The following STK33 variants were observed in gnomAD, a reference collection of about 807,000 sequenced individuals.
STK33 encodes serine/threonine kinase 33.
STK33 carries 52 observed loss-of-function variants against 58.0 expected under a neutral mutation model. That is an observed-to-expected ratio of 0.90 (90% CI 0.72 to 1.13). STK33 has a LOEUF of 1.13. Ranked by LOEUF, STK33 falls within the 50% of genes most tolerant of loss-of-function variation. STK33 has a pLI of 0.00. For missense variants in STK33, 630 were observed against 604.2 expected (o/e 1.04, Z -0.45); for synonymous variants, 215 against 200.1 (o/e 1.07, Z -0.63).
chr11:8,366,410 C>T, the STK33 span, among the ~76,000 whole-genome samples: 2 of 152,120 alleles, frequency 1.3e-5, no homozygotes, highest in South Asian at 2.1e-4. Flanking sequence ...CCACAGGAGA[C>T]GGTTAGAGCC....
intron 12 of STK33, among the ~76,000 whole-genome samples, chr11:8,439,048 G>A (rs1944406906): frequency 6.6e-6 from 1 of 152,122 alleles, no homozygotes; most frequent in Admixed American, 6.6e-5. Context: ...AAATGATCTG[G>A]AAGAGGCAGT....
At chr11:8,452,333 A>T (rs1259215082) in intron 11 of STK33, among the ~76,000 whole-genome samples, 2 of 152,170 alleles carry the variant, frequency 1.3e-5, no homozygotes, top group African/African-American at 4.8e-5. Context: ...AAATAACAAA[A>T]TTTTTTTAAA....
intron 9 of STK33, among the ~76,000 whole-genome samples, chr11:8,456,832 T>C (rs1353907689): frequency 2.6e-5 from 4 of 152,186 alleles, no homozygotes; most frequent in Non-Finnish European, 4.4e-5. Flanking sequence ...ATATAAGCTA[T>C]GGACTTAGGG....
intron 1 of STK33, among the ~76,000 whole-genome samples, chr11:8,511,222 T>C (rs751544094): frequency 2.6e-5 from 4 of 152,164 alleles, no homozygotes; most frequent in Non-Finnish European, 4.4e-5. Flanking sequence ...GTTAAGCATA[T>C]TCCTAATTAT....
At chr11:8,424,468 T>C (rs1311905745) in intron 14 of STK33, among the ~76,000 whole-genome samples, 1 of 151,688 alleles carries the variant, frequency 6.6e-6, no homozygotes, top group Non-Finnish European at 1.5e-5. Context: ...TGTGTCTTTA[T>C]AGCAGCATGA....
intron 14 of STK33, among the ~76,000 whole-genome samples, chr11:8,429,608 C>G (rs1483528752): frequency 6.6e-6 from 1 of 152,118 alleles, no homozygotes; most frequent in East Asian, 1.9e-4. Context: ...TACTTCAGTT[C>G]TCCGGTTTCT....
At chr11:8,501,389 T>C (rs1228866049) in intron 1 of STK33, among the ~76,000 whole-genome samples, 2 of 152,074 alleles carry the variant, frequency 1.3e-5, no homozygotes, top group Non-Finnish European at 2.9e-5. Flanking sequence ...TTTGAATAAA[T>C]TTTCCCAAAG....
chr11:8,569,706 C>T lies in STK33; in HGVS notation c.-466+24377G>A, dbSNP rs143341833. 8.5e-4 allele frequency among the ~76,000 whole-genome samples: 130 copies of T among 152,238 alleles called. 3 individuals are homozygous for T. In the East Asian group the frequency reaches 0.02, roughly 24 times the overall value. ...GAATGGTGGCTCACACTGGTAACCC[C>T]AGCACTTTGGGAGGCCAAGGCAGGC... is the stretch of plus-strand genomic sequence containing the variant. On this transcript the variant is annotated intron_variant, in intron 1 of 15. Coordinates refer to ENST00000687296, the MANE Select transcript of STK33 (RefSeq NM_001352389.2).
chr11:8,428,101 C>A (rs1942987307), intron 14 of STK33, among the ~76,000 whole-genome samples: 1 of 152,316 alleles, frequency 6.6e-6, no homozygotes, highest in African/African-American at 2.4e-5. Flanking sequence ...CCACCTCCTC[C>A]CGCCAGGAGA....
At chr11:8,571,832 CA>C (rs376750068) in intron 1 of STK33, among the ~76,000 whole-genome samples, 119 of 67,200 alleles carry the variant, frequency 1.8e-3, no homozygotes, top group Middle Eastern at 0.01. Flanking sequence ...GACCCAGTCT[CA>C]AAAAAAAAAA....
At chr11:8,537,409 G>T (rs560721021) in intron 1 of STK33, among the ~76,000 whole-genome samples, 1 of 152,032 alleles carries the variant, frequency 6.6e-6, no homozygotes, top group East Asian at 1.9e-4. Context: ...TTTAAATTTT[G>T]TTTCAAGTGT....
At chr11:8,440,478 T>C (rs976032970) in intron 12 of STK33, among the ~76,000 whole-genome samples, 200 bp downstream of exon 12, 4 of 152,212 alleles carry the variant, frequency 2.6e-5, no homozygotes, top group South Asian at 2.1e-4. Flanking sequence ...AAGCTGAAAG[T>C]TATAAATTTA....
At chr11:8,553,186 ATATATATATATGGTG>A (rs1172119493) in intron 1 of STK33, among the ~76,000 whole-genome samples, 1,500 of 75,872 alleles carry the variant, frequency 0.02, 26 homozygotes, top group African/African-American at 0.051. Context: ...ATATATATAT[ATATATATATATGGTG>A]TATATATATA....
intron 11 of STK33, 87 bp from the exon 12 acceptor site, chr11:8,440,840 T>G: frequency 7.5e-7 from 1 of 1,338,908 alleles, no homozygotes; most frequent in South Asian, 1.4e-5. Context: ...AATGTGCTGA[T>G]GTGCTGTAAT....
chr11:8,351,396 C>T, the STK33 span, among the ~76,000 whole-genome samples: 1 of 152,232 alleles, frequency 6.6e-6, no homozygotes, highest in African/African-American at 2.4e-5. Flanking sequence ...AGGGCTGTGG[C>T]TTCATCAGGA....
At chr11:8,355,330 G>A in the STK33 span, among the ~76,000 whole-genome samples, 1 of 152,234 alleles carries the variant, frequency 6.6e-6, no homozygotes, top group Non-Finnish European at 1.5e-5. Context: ...TGTTGTGCAT[G>A]GAAATGTGGC....
chr11:8,431,478 C>A (rs55740932), intron 14 of STK33, among the ~76,000 whole-genome samples: 18,346 of 152,104 alleles, frequency 0.12, 1,889 homozygotes, highest in African/African-American at 0.27. Context: ...TGAAATTAGT[C>A]CCTACACCTT....
chr11:8,389,964 G>A (rs1848595389), downstream of STK33, among the ~76,000 whole-genome samples: 1 of 152,124 alleles, frequency 6.6e-6, no homozygotes, highest in African/African-American at 2.4e-5. Flanking sequence ...GACTGGCCTG[G>A]AACAACCAAA....
At chr11:8,587,505 T>C (rs2031886440) in intron 1 of STK33, among the ~76,000 whole-genome samples, 1 of 151,038 alleles carries the variant, frequency 6.6e-6, no homozygotes, top group South Asian at 2.1e-4. Context: ...CTCCCTATCA[T>C]TCCACTCCAA....
Sources: gnomAD v4.1 joint callset for allele counts (sites outside exome capture counted in the v4.1 genomes callset) on GRCh38, gnomAD v4.1.1 for gene constraint, MANE v1.5 for transcripts, NCBI Gene and HGNC (gene_info 2026-07-23, HGNC 2026-07-21) for gene names.